SCEL: variants seen among roughly 807,000 people sequenced by gnomAD.
SCEL encodes sciellin.
SCEL carries 113 observed loss-of-function variants against 117.6 expected under a neutral mutation model. The ratio of observed to expected loss-of-function variants is 0.96; its 90% CI spans 0.83 to 1.12. The LOEUF (loss-of-function observed/expected upper bound fraction) is 1.12. Among genes scored for constraint, SCEL ranks in the 50% most tolerant of loss-of-function variants. The probability of loss-of-function intolerance (pLI) is 0.00; values close to 1 mark genes in which losing one functional copy is unlikely to be tolerated. For missense variants in SCEL, 785 were observed against 810.8 expected, an observed-to-expected ratio of 0.97 and a Z score of 0.39; for synonymous variants, 270 against 256.2, an observed-to-expected ratio of 1.05 and a Z score of -0.51.
intron 27 of SCEL, among the ~76,000 whole-genome samples, chr13:77,625,083 G>A (rs942539869): frequency 3.3e-5 from 5 of 152,098 alleles, no homozygotes; most frequent in Non-Finnish European, 7.4e-5. Context: ...ATCACTTTGA[G>A]AAACAAAGTT....
At chr13:77,600,268 T>A (rs78335637) in intron 15 of SCEL, among the ~76,000 whole-genome samples, 20,256 of 152,044 alleles carry the variant, frequency 0.13, 1,436 homozygotes, top group Non-Finnish European at 0.15. Flanking sequence ...AGCTGGGATT[T>A]CAAGTGCCCG....
intron 1 of SCEL, among the ~76,000 whole-genome samples, chr13:77,553,025 G>C (rs1567340953): frequency 6.6e-6 from 1 of 152,302 alleles, no homozygotes; most frequent in East Asian, 1.9e-4. Flanking sequence ...TTGTAGATAT[G>C]TGGTGTCAAG....
intron 9 of SCEL, among the ~76,000 whole-genome samples, chr13:77,581,508 C>T (rs1370072581): frequency 6.6e-6 from 1 of 152,118 alleles, no homozygotes; most frequent in Admixed American, 6.6e-5. Context: ...TCCCACCTCT[C>T]CTCCCTCTCT....
At chr13:77,613,346 T>G (rs570342901) in intron 23 of SCEL, among the ~76,000 whole-genome samples, 187 of 152,336 alleles carry the variant, frequency 1.2e-3, no homozygotes, top group Non-Finnish European at 2.1e-3. Context: ...AACATAATAT[T>G]CTTATACTTG....
chr13:77,579,278 T>C (rs1395542099), intron 9 of SCEL, among the ~76,000 whole-genome samples: 1 of 152,244 alleles, frequency 6.6e-6, no homozygotes, highest in African/African-American at 2.4e-5. Flanking sequence ...ATTATTGCAG[T>C]GTACTCATCA....
At chr13:77,571,738 A>C (rs1433684111) in intron 8 of SCEL, among the ~76,000 whole-genome samples, 1 of 150,064 alleles carries the variant, frequency 6.7e-6, no homozygotes, top group African/African-American at 2.5e-5. Context: ...TATAGAGTAG[A>C]GTATAAGATT....
intron 1 of SCEL, among the ~76,000 whole-genome samples, chr13:77,546,999 A>T (rs578146993): frequency 1.6e-4 from 25 of 152,202 alleles, no homozygotes; most frequent in Non-Finnish European, 3.2e-4. Flanking sequence ...AATAGTCAGA[A>T]CTACAAATGT....
intron 5 of SCEL, among the ~76,000 whole-genome samples, chr13:77,564,137 T>C (rs553464079): frequency 3.2e-4 from 48 of 152,080 alleles, no homozygotes; most frequent in African/African-American, 1.1e-3. Context: ...TTAGAGACAC[T>C]GATTTGAGTA....
intron 12 of SCEL, among the ~76,000 whole-genome samples, chr13:77,596,688 GGT>G (rs71102762): frequency 0.028 from 4,019 of 145,340 alleles, 135 homozygotes; most frequent in African/African-American, 0.074. Flanking sequence ...GGTGGGGCAA[GGT>G]GTGTGTGTGT....
intron 9 of SCEL, among the ~76,000 whole-genome samples, chr13:77,581,892 G>A (rs199915294): frequency 6.6e-6 from 1 of 152,154 alleles, no homozygotes; most frequent in East Asian, 1.9e-4. Flanking sequence ...TGAGGGAATG[G>A]AGGCTTGCAT....
chr13:77,642,693 T>A lies in SCEL; in HGVS notation c.1948-13T>A. ...TTACAATGGAAACTTTATATATGTA[T>A]TTTTTTCTTTAGTGTGAAATATGCA... is the stretch of plus-strand genomic sequence containing the variant. On this transcript the variant is annotated splice_polypyrimidine_tract_variant and intron_variant, in intron 31 of 32. Transcript: ENST00000349847. 2 of 1,466,110 alleles carry A rather than the reference T, an allele frequency of 1.4e-6. No homozygotes were observed. The highest frequency in any genetic ancestry group is 1.9e-6 in the Non-Finnish European group (2 of 1,059,332). 90.8% of individuals were successfully genotyped at this position (1,466,110 alleles called of 1,614,324 possible).
intron 9 of SCEL, among the ~76,000 whole-genome samples, chr13:77,575,553 A>G (rs10507866): frequency 0.061 from 9,316 of 152,274 alleles, 364 homozygotes; most frequent in East Asian, 0.088. Flanking sequence ...GCAATAAGAG[A>G]GTTCAGACCT....
chr13:77,570,695 A>T (rs2154397518), intron 8 of SCEL, among the ~76,000 whole-genome samples: 1 of 152,206 alleles, frequency 6.6e-6, no homozygotes, highest in East Asian at 1.9e-4. Flanking sequence ...CCATATCTTG[A>T]TCTTTCTGCT....
intron 15 of SCEL, among the ~76,000 whole-genome samples, 173 bp from the exon 16 acceptor site, chr13:77,601,892 G>C (rs1460352404): frequency 1.3e-5 from 2 of 152,188 alleles, no homozygotes; most frequent in African/African-American, 4.8e-5. Flanking sequence ...ATGATGGATA[G>C]AGCCACCTGA....
At chr13:77,593,409 C>A in intron 11 of SCEL, 105 bp from the exon 12 acceptor site, 2 of 774,204 alleles carry the variant, frequency 2.6e-6, no homozygotes, top group Non-Finnish European at 4.3e-6. Context: ...TCCTGAACAC[C>A]ACCTAGACTA....
intron 19 of SCEL, among the ~76,000 whole-genome samples, chr13:77,605,015 C>T (rs545715998): frequency 6.6e-6 from 1 of 152,154 alleles, no homozygotes; most frequent in South Asian, 2.1e-4. Context: ...AAGAGCTTAA[C>T]AAAGTGTGCT....
At chr13:77,617,021 C>G (rs1351698891) in intron 24 of SCEL, among the ~76,000 whole-genome samples, 2 of 152,110 alleles carry the variant, frequency 1.3e-5, no homozygotes, top group Non-Finnish European at 2.9e-5. Flanking sequence ...AGAGGAAACA[C>G]TGTTCTGTGG....
Position 77,612,898 on chromosome 13 carries a change from G to T in SCEL, c.1345G>T (p.Asp449Tyr). 6.4e-7 allele frequency: 1 copy of T among 1,552,674 alleles called. No homozygotes were observed. The highest frequency in any genetic ancestry group is 1.2e-5 in the South Asian group (1 of 81,276). Residue 449 changes from aspartate (D) to tyrosine (Y), a missense_variant, in exon 23 of 33, where the codon GAC becomes TAC. Coordinates refer to ENST00000349847, the MANE Select transcript of SCEL (RefSeq NM_144777.3). ...AACTTAACATTTTTTTAGGAACCAAGACTTGGAAAATCTTATCAAAGTGAT... is the reference window on the plus strand; with the variant it reads ...AACTTAACATTTTTTTAGGAACCAATACTTGGAAAATCTTATCAAAGTGAT... The part of the protein sequence containing the change: ...ERNRTNQGNQ[D>Y]LENLIKVIPS...
chr13:77,591,208 T>C (rs2086847968), intron 10 of SCEL, among the ~76,000 whole-genome samples, 187 bp from the exon 11 acceptor site: 1 of 152,166 alleles, frequency 6.6e-6, no homozygotes, highest in South Asian at 2.1e-4. Flanking sequence ...TAAAGATAGA[T>C]TAAATTACAA....
Sources: gnomAD v4.1 joint callset for allele counts (sites outside exome capture counted in the v4.1 genomes callset) on GRCh38, gnomAD v4.1.1 for gene constraint, MANE v1.5 for transcripts, NCBI Gene and HGNC (gene_info 2026-07-23, HGNC 2026-07-21) for gene names.